RTN1: variants seen among roughly 807,000 people sequenced by gnomAD.
The protein encoded by RTN1 is reticulon-1.
A neutral mutation model predicts 65.5 loss-of-function variants in RTN1; 25 were observed. The observed-to-expected ratio is 0.38, with a 90% CI of 0.28 to 0.53. RTN1 has a LOEUF of 0.53. RTN1 is among the 20% of genes least tolerant of loss of function. The probability of loss-of-function intolerance (pLI) is 0.79; values close to 1 mark genes in which losing one functional copy is unlikely to be tolerated. For missense variants in RTN1, 983 were observed against 1,025.4 expected (o/e 0.96, Z 0.57); for synonymous variants, 471 against 447.6 (o/e 1.05, Z -0.66).
rs938381917 is a variant in RTN1, at chr14:59,868,910, A to C, written c.241+1480T>G. On this transcript the variant is annotated intron_variant, in intron 1 of 8. Coordinates refer to ENST00000267484, the MANE Select transcript of RTN1 (RefSeq NM_021136.3). The surrounding 1 kb of genome is among the most constrained non-coding windows in gnomAD (Gnocchi z 4.0). Reference sequence around the variant, plus strand: ...TTTGCCATCTTCTTTTGCAATTATAAAGAGTTTTGTTTTCACTTGGATGCA... The same window carrying C: ...TTTGCCATCTTCTTTTGCAATTATACAGAGTTTTGTTTTCACTTGGATGCA... Among the ~76,000 whole-genome samples the C allele has an allele frequency of 1.3e-5, 2 of 152,128 alleles. No individual in the cohort carries two copies. The highest frequency in any genetic ancestry group is 4.8e-5 in the African/African-American group (2 of 41,396).
chr14:59,630,720 C>A, intron 3 of RTN1: 2 of 1,121,906 alleles, frequency 1.8e-6, no homozygotes, highest in Non-Finnish European at 2.2e-6. Flanking sequence ...GGCCCCGGAG[C>A]CGCCTGCGCG....
At chr14:59,791,808 T>A (rs1594744973) in intron 1 of RTN1, among the ~76,000 whole-genome samples, 1 of 152,226 alleles carries the variant, frequency 6.6e-6, no homozygotes, top group East Asian at 1.9e-4. Context: ...TTATTCCCTC[T>A]CAGCTTTCTT....
chr14:59,698,328 A>T (rs1019093565), intron 3 of RTN1, among the ~76,000 whole-genome samples: 1 of 152,162 alleles, frequency 6.6e-6, no homozygotes, highest in Non-Finnish European at 1.5e-5. Context: ...TCAACACTTG[A>T]TCTTTTCTAA....
intron 8 of RTN1, among the ~76,000 whole-genome samples, chr14:59,601,169 G>C (rs936874299): frequency 6.6e-6 from 1 of 152,158 alleles, no homozygotes; most frequent in African/African-American, 2.4e-5. Flanking sequence ...ACTCAGTTAA[G>C]CTCTAGACAT....
At chr14:59,854,946 G>A (rs2139668185) in intron 1 of RTN1, among the ~76,000 whole-genome samples, 1 of 152,286 alleles carries the variant, frequency 6.6e-6, no homozygotes, top group East Asian at 1.9e-4. Flanking sequence ...AAGTAACTTA[G>A]CTTATGTGTG....
chr14:59,683,181 C>A (rs1183418790), intron 3 of RTN1, among the ~76,000 whole-genome samples: 3 of 152,022 alleles, frequency 2.0e-5, no homozygotes, highest in Non-Finnish European at 4.4e-5. Context: ...TTTTATATAG[C>A]TGAAAAATAC....
At chr14:59,699,093 A>T (rs1472642308) in intron 3 of RTN1, among the ~76,000 whole-genome samples, 1 of 152,122 alleles carries the variant, frequency 6.6e-6, no homozygotes, top group Non-Finnish European at 1.5e-5. Flanking sequence ...TGCTGGAAAC[A>T]TAATTTTGGT....
intron 1 of RTN1, among the ~76,000 whole-genome samples, chr14:59,821,321 T>C (rs947636460): frequency 6.6e-6 from 1 of 152,214 alleles, no homozygotes; most frequent in Non-Finnish European, 1.5e-5. Flanking sequence ...TTGGATGTTG[T>C]TGGTCTACAG....
At chr14:59,819,241 G>C (rs556720721) in intron 1 of RTN1, among the ~76,000 whole-genome samples, 36 of 152,130 alleles carry the variant, frequency 2.4e-4, no homozygotes, top group African/African-American at 7.9e-4. Context: ...AAGAGCGAAA[G>C]AACTAACCTT....
At chr14:59,793,269 CTGAT>C (rs1327024177) in intron 1 of RTN1, among the ~76,000 whole-genome samples, 1 of 152,158 alleles carries the variant, frequency 6.6e-6, no homozygotes, top group Non-Finnish European at 1.5e-5. Flanking sequence ...TTTCTAGAAA[CTGAT>C]TACCCAGTGG....
rs1216339310 is a variant in RTN1, at chr14:59,870,570, A to G, written c.61T>C (p.Trp21Arg). 1 of 1,454,898 alleles carries G rather than the reference A, an allele frequency of 6.9e-7. No homozygotes were observed. Among genetic ancestry groups the G allele is most frequent in the East Asian group, 3.1e-5 (1 of 32,664 alleles). The allele number at this position is 1,454,898 out of a possible 1,614,324, so 90.1% of individuals were successfully genotyped here. The change falls in exon 1 of 9, where the codon TGG (tryptophan) becomes CGG (arginine). Residue 21 changes from tryptophan to arginine, a missense_variant. By Grantham distance (101) the Trp-to-Arg change is moderately radical. Around this residue, in one of 2 missense-constraint regions of RTN1, gnomAD observed 818 missense variants for 801.8 expected, o/e 1.02. Transcript: ENST00000267484. This position sits in a 1 kb window ranked among gnomAD's most constrained non-coding sequence, Gnocchi z 5.1. ...TCCCCCTCCCCCCGGTGCCTGAGCC[A>G]CTGGGACCCGGGGCCGGCCAGCGGC... ...LLPLAGPGSQ[W>R]LRHRGEGENE...
intron 1 of RTN1, among the ~76,000 whole-genome samples, chr14:59,748,432 A>T (rs149047320): frequency 1.1e-4 from 16 of 151,786 alleles, no homozygotes; most frequent in South Asian, 8.3e-4. Flanking sequence ...ATACCTATAT[A>T]CCTAATTCTC....
chr14:59,672,248 G>A (rs1462738115), intron 3 of RTN1, among the ~76,000 whole-genome samples: 1 of 152,108 alleles, frequency 6.6e-6, no homozygotes, highest in Non-Finnish European at 1.5e-5. Flanking sequence ...CAATTATGGT[G>A]GTCAGTAAAT....
chr14:59,637,232 T>C (rs1273964772), intron 3 of RTN1, among the ~76,000 whole-genome samples: 2 of 152,200 alleles, frequency 1.3e-5, no homozygotes, highest in South Asian at 4.1e-4. Flanking sequence ...GTAAATTCCA[T>C]CTCAAGAAAC....
chr14:59,815,021 T>C (rs891698324), intron 1 of RTN1, among the ~76,000 whole-genome samples: 3 of 152,240 alleles, frequency 2.0e-5, no homozygotes, highest in Admixed American at 1.3e-4. Flanking sequence ...CTATTTTATA[T>C]TGCTCAAGAC....
At chr14:59,743,906 T>C (rs1006937484) in intron 2 of RTN1, among the ~76,000 whole-genome samples, 6 of 152,214 alleles carry the variant, frequency 3.9e-5, no homozygotes, top group African/African-American at 1.4e-4. Context: ...GTTTGTTTTT[T>C]ATTTTTCGTT....
At chr14:59,744,500 A>T (rs1885176646) in intron 2 of RTN1, among the ~76,000 whole-genome samples, 1 of 152,232 alleles carries the variant, frequency 6.6e-6, no homozygotes, top group Admixed American at 6.5e-5. Context: ...AGTGCTGTTT[A>T]GTATCCTGCC....
At chr14:59,840,542 T>C (rs747530476) in intron 1 of RTN1, among the ~76,000 whole-genome samples, 12 of 152,234 alleles carry the variant, frequency 7.9e-5, no homozygotes, top group Non-Finnish European at 7.3e-5. Flanking sequence ...GTAAATGCGA[T>C]GTGGTCTGAA....
intron 1 of RTN1, among the ~76,000 whole-genome samples, chr14:59,799,209 T>C (rs919526610): frequency 6.6e-6 from 1 of 152,182 alleles, no homozygotes; most frequent in Non-Finnish European, 1.5e-5. Context: ...AGGCTAAGGA[T>C]AGTACACTTA....
Sources: allele counts gnomAD v4.1 joint callset (sites outside exome capture counted in the v4.1 genomes callset), GRCh38; gene constraint gnomAD v4.1.1; regional missense constraint gnomAD v4.1.1; non-coding constraint Gnocchi (gnomAD v3.1); transcripts MANE v1.5; gene names NCBI Gene and HGNC (gene_info 2026-07-23, HGNC 2026-07-21).